Variants in FBXO22 observed in about 807,000 individuals in gnomAD.
FBXO22 encodes the protein F-box protein 22, also known as F-box only protein 22.
A neutral mutation model predicts 37.2 loss-of-function variants in FBXO22; 13 were observed. That is an observed-to-expected ratio of 0.35 (90% CI 0.23 to 0.56). The LOEUF (loss-of-function observed/expected upper bound fraction) is 0.56, where lower values mean the gene tolerates loss of function less well. FBXO22 is among the 20% of genes least tolerant of loss of function. The pLI is 0.87. For synonymous variants in FBXO22, 189 were observed against 189.1 expected (o/e 1.00, Z 0.00); for missense variants, 446 against 509.9 (o/e 0.87, Z 1.21).
Position 75,936,821 on chromosome 15 carries a change from C to G in FBXO22, c.*3719C>G, listed in dbSNP as rs2141733326. ...ACTCCAACCTCAGGTGATCTGCCTG[C>G]CTCAGCCTCCCAAAGTGCTGGGATT... On this transcript the variant is annotated 3_prime_UTR_variant, in exon 7 of 7. Transcript: ENST00000308275. The G allele has an allele frequency of 6.6e-6, 1 of 152,302 alleles. No homozygotes were observed. The highest frequency in any genetic ancestry group is 1.9e-4 in the East Asian group (1 of 5,174). The allele number at this position is 152,302 out of a possible 1,614,324, so 9.4% of individuals were successfully genotyped here.
chr15:75,905,124 G>C (rs1899899213), intron 2 of FBXO22, among the ~76,000 whole-genome samples: 1 of 152,184 alleles, frequency 6.6e-6, no homozygotes, highest in Admixed American at 6.5e-5. Flanking sequence ...CGCCCGGCAT[G>C]TTGGGCCTTT....
Position 75,908,308 on chromosome 15 carries a change from T to C in FBXO22, c.279+3679T>C, listed in dbSNP as rs1189560101. ...TTTTTTTTTGAGACAGAGTCTCGCC[T>C]GTCGCCCAGGCTGGATTGCAGTGGC... On this transcript the variant is annotated intron_variant, in intron 2 of 6. Transcript: ENST00000308275. Among the ~76,000 whole-genome samples the C allele has an allele frequency of 2.6e-5, 4 of 151,680 alleles. No individual in the cohort carries two copies. In the South Asian group the frequency reaches 8.3e-4, roughly 32 times the overall value.
chr15:75,934,639 T>A lies in FBXO22; in HGVS notation c.*1537T>A, dbSNP rs1319028518. ...ATTTATGGTTATTCTAAATCCTAGT[T>A]CCTGAGGCAAGTCCAAAGAAAAATT... is the stretch of plus-strand genomic sequence containing the variant. On this transcript the variant is annotated 3_prime_UTR_variant, in exon 7 of 7. Coordinates refer to ENST00000308275, the MANE Select transcript of FBXO22 (RefSeq NM_147188.3). The A allele has an allele frequency of 6.6e-6, 1 of 152,224 alleles. No individual in the cohort carries two copies. Among genetic ancestry groups the A allele is most frequent in the Non-Finnish European group, 1.5e-5 (1 of 68,038 alleles). The allele number at this position is 152,224 out of a possible 1,614,324, so 9.4% of individuals were successfully genotyped here.
rs2031037300 is a variant in FBXO22, at chr15:75,941,989, A to AC, written c.*8887_*8888insC. 1 of 129,194 alleles carries AC rather than the reference A, an allele frequency of 7.7e-6. No homozygotes were observed. The highest frequency in any genetic ancestry group is 3.0e-5 in the African/African-American group (1 of 33,702). 8.0% of individuals were successfully genotyped at this position (129,194 alleles called of 1,614,324 possible). ...TGGCCTAGCTTTTTTTTTTTTTTTT[A>AC]AAAAGGGCAGGGGGTGGGGTATTTA... On this transcript the variant is annotated 3_prime_UTR_variant, in exon 7 of 7. Transcript: ENST00000308275.
At chr15:75,904,192 G>T in intron 1 of FBXO22, 89 bp downstream of exon 1, 1 of 1,435,306 alleles carries the variant, frequency 7.0e-7, no homozygotes, top group South Asian at 1.4e-5. Context: ...GAGACCCTTG[G>T]GACCCACCAG....
At chr15:75,905,384 C>G (rs1899905422) in intron 2 of FBXO22, among the ~76,000 whole-genome samples, 1 of 152,188 alleles carries the variant, frequency 6.6e-6, no homozygotes, top group African/African-American at 2.4e-5. Context: ...GATGAAGACT[C>G]GAACTGTGGA....
chr15:75,917,041 A>G (rs1038215702), intron 4 of FBXO22, among the ~76,000 whole-genome samples, 189 bp from the exon 5 acceptor site: 5 of 152,214 alleles, frequency 3.3e-5, no homozygotes, highest in African/African-American at 1.2e-4. Flanking sequence ...TTGCTTATAA[A>G]AAATTTCTTT....
At chr15:75,921,649 A>G (rs1305773325) in intron 5 of FBXO22, among the ~76,000 whole-genome samples, 2 of 152,082 alleles carry the variant, frequency 1.3e-5, no homozygotes, top group Non-Finnish European at 2.9e-5. Flanking sequence ...CGACAGCGAG[A>G]CTCTATCTCA....
At chr15:75,924,285 A>G (rs60191258) in intron 5 of FBXO22, among the ~76,000 whole-genome samples, 6,013 of 152,206 alleles carry the variant, frequency 0.04, 215 homozygotes, top group African/African-American at 0.094. Flanking sequence ...TACTGCTGTA[A>G]TATTATTTTG....
chr15:75,907,692 T>C (rs537063276), intron 2 of FBXO22, among the ~76,000 whole-genome samples: 2 of 152,090 alleles, frequency 1.3e-5, no homozygotes, highest in East Asian at 3.9e-4. Flanking sequence ...GGTCAGGAGT[T>C]AGAGAACAGC....
chr15:75,929,489 C>A (rs1254025404), intron 5 of FBXO22, among the ~76,000 whole-genome samples: 1 of 151,116 alleles, frequency 6.6e-6, no homozygotes, highest in East Asian at 1.9e-4. Context: ...CTCACTGCTG[C>A]TAGCACAGCT....
chr15:75,904,599 C>G lies in FBXO22; in HGVS notation c.249C>G (p.Cys83Trp). The G allele has an allele frequency of 6.2e-7, 1 of 1,612,520 alleles. No homozygotes were observed. Among genetic ancestry groups the G allele is most frequent in the Non-Finnish European group, 8.5e-7 (1 of 1,178,956 alleles). The change falls in exon 2 of 7, where the codon TGC (cysteine) becomes TGG (tryptophan). Residue 83 changes from cysteine (C) to tryptophan (W), a missense_variant. Coordinates refer to ENST00000308275, the MANE Select transcript of FBXO22 (RefSeq NM_147188.3). ...AGGCCGGCCACCTGGAGGGGCATTG[C>G]TTGGTTCGCGTGGTAGCAGAGGAGC... ...LAEAGHLEGH[C>W]LVRVVAEELE...
chr15:75,933,018 G>A lies in FBXO22; in HGVS notation c.1128G>A (p.Arg376=), dbSNP rs778706225. The stretch of plus-strand genomic sequence containing the variant: ...TAGTCACTGGGAACTTTATATTGAG[G>A]AAATGTAATGAGGTAAAAGATGATG... ...DRIVTGNFIL[R]KCNEVKDDDL... is the part of the protein sequence containing the mutation. The change falls in exon 7 of 7, where the codon AGG becomes AGA. Residue 376 remains arginine, a synonymous_variant. Transcript: ENST00000308275. The A allele has an allele frequency of 1.6e-5, 26 of 1,613,996 alleles. No homozygotes were observed. The Admixed American group carries it at 1.7e-4, about 10-fold the overall frequency.
chr15:75,920,613 G>A (rs567551332), intron 5 of FBXO22, among the ~76,000 whole-genome samples: 4 of 152,148 alleles, frequency 2.6e-5, no homozygotes, highest in Non-Finnish European at 5.9e-5. Flanking sequence ...CTTGAGCCCA[G>A]GAGTTCGAGA....
chr15:75,905,054 A>AC lies in FBXO22; in HGVS notation c.279+427dup, dbSNP rs1899896605. Among the ~76,000 whole-genome samples the AC allele has an allele frequency of 3.3e-5, 5 of 151,854 alleles. No individual in the cohort carries two copies. The South Asian group carries it at 1.0e-3, about 32-fold the overall frequency. On this transcript the variant is annotated intron_variant, in intron 2 of 6. Transcript: ENST00000308275. ...TAGCCAGAATGGTCTCGATCTCCTG[A>AC]CCTCGTGATCCGCCCGCCTCGGCCT... is the stretch of plus-strand genomic sequence containing the variant.
chr15:75,912,356 CT>C (rs1460773235), intron 2 of FBXO22, among the ~76,000 whole-genome samples: 3 of 152,142 alleles, frequency 2.0e-5, no homozygotes, highest in African/African-American at 4.8e-5. Flanking sequence ...ATTAGTTCCT[CT>C]TTGTACCTTT....
At position 75,933,267 on chromosome 15, in the gene FBXO22, A is replaced by G. The variant is rs1291467051; in HGVS notation, c.*165A>G. On this transcript the variant is annotated 3_prime_UTR_variant, in exon 7 of 7. Coordinates refer to ENST00000308275, the MANE Select transcript of FBXO22 (RefSeq NM_147188.3). The stretch of plus-strand genomic sequence containing the variant: ...ATGAGGGTAGTATTTAATATATTAG[A>G]TGAAGGACAACTTTGGACATAACAC... 1.6e-6 allele frequency: 1 copy of G among 621,982 alleles called. No individual in the cohort carries two copies. Among genetic ancestry groups the G allele is most frequent in the African/African-American group, 1.8e-5 (1 of 54,156 alleles). 38.5% of individuals were successfully genotyped at this position (621,982 alleles called of 1,614,324 possible). A position where few individuals can be genotyped will look rare whatever the true frequency, so the allele number is the denominator to read the frequency against.
rs773623772 is a variant in FBXO22 at position 75,941,972 on chromosome 15, CTTTTT to C, written c.*8882_*8886del. ...AAAAAAAAAAAAAAATATGGCCTAG[CTTTTT>C]TTTTTTTTTTTAAAAAGGGCAGGGG... On this transcript the variant is annotated 3_prime_UTR_variant, in exon 7 of 7. Coordinates refer to ENST00000308275, the MANE Select transcript of FBXO22 (RefSeq NM_147188.3). 1 of 107,558 alleles carries C rather than the reference CTTTTT, an allele frequency of 9.3e-6. No individual in the cohort carries two copies. Among genetic ancestry groups the C allele is most frequent in the Non-Finnish European group, 2.0e-5 (1 of 51,202 alleles). The allele number at this position is 107,558 out of a possible 1,614,324, so 6.7% of individuals were successfully genotyped here. A position where few individuals can be genotyped will look rare whatever the true frequency, so the allele number is the denominator to read the frequency against.
chr15:75,917,501 A>G (rs944667924), intron 5 of FBXO22, 107 bp downstream of exon 5: 3 of 768,270 alleles, frequency 3.9e-6, no homozygotes, highest in East Asian at 2.8e-5. Flanking sequence ...GAGAATCTGA[A>G]TTAAGTACAC....
Sources: gnomAD v4.1 joint callset for allele counts (sites outside exome capture counted in the v4.1 genomes callset) on GRCh38, gnomAD v4.1.1 for gene constraint, MANE v1.5 for transcripts, NCBI Gene and HGNC (gene_info 2026-07-23, HGNC 2026-07-21) for gene names.